ARL15: variants seen among roughly 807,000 people sequenced by gnomAD.
ARL15 encodes ARF like GTPase 15, also known as ADP-ribosylation factor-like protein 15.
ARL15 carries 19 observed loss-of-function variants against 25.2 expected under a neutral mutation model. The observed-to-expected ratio is 0.75, with a 90% CI of 0.53 to 1.10. ARL15 has a LOEUF of 1.10. ARL15 is among the 50% of genes least tolerant of loss of function. The pLI is 0.00. For missense variants in ARL15, 220 were observed against 246.0 expected (o/e 0.89, Z 0.71); for synonymous variants, 94 against 86.8 (o/e 1.08, Z -0.46).
intron 4 of ARL15, among the ~76,000 whole-genome samples, chr5:53,887,590 CA>C (rs1744575743): frequency 6.6e-6 from 1 of 152,156 alleles, no homozygotes; most frequent in Non-Finnish European, 1.5e-5. Flanking sequence ...TCATAAAACA[CA>C]AAGTTCAGGA....
intron 3 of ARL15, among the ~76,000 whole-genome samples, chr5:54,150,851 CAA>C (rs34261981): frequency 4.7e-5 from 6 of 127,500 alleles, no homozygotes; most frequent in Admixed American, 2.3e-4. Flanking sequence ...CACTGTTAAC[CAA>C]AAAAAAAAAA....
intron 4 of ARL15, among the ~76,000 whole-genome samples, chr5:53,991,336 G>C (rs1811468): frequency 0.13 from 20,006 of 151,956 alleles, 1,630 homozygotes; most frequent in East Asian, 0.27. Flanking sequence ...GAGGTAAGGA[G>C]TTCGAGACCA....
intron 3 of ARL15, among the ~76,000 whole-genome samples, chr5:54,121,809 T>A (rs1173784437): frequency 6.6e-6 from 1 of 152,152 alleles, no homozygotes; most frequent in African/African-American, 2.4e-5. Flanking sequence ...TCCCTCTCAA[T>A]AAAAGAGAGG....
intron 1 of ARL15, among the ~76,000 whole-genome samples, chr5:54,288,614 G>C (rs868162181): frequency 2.0e-5 from 3 of 152,148 alleles, no homozygotes; most frequent in African/African-American, 7.2e-5. Context: ...ATGAGCAAGT[G>C]CAAATGAAGT....
chr5:54,219,533 G>T lies in ARL15; in HGVS notation c.49-47605C>A, dbSNP rs535739098. Among the ~76,000 whole-genome samples, 15 of 152,154 alleles carry T rather than the reference G, an allele frequency of 9.9e-5. No individual in the cohort carries two copies. The South Asian group carries it at 1.5e-3, about 15-fold the overall frequency. On this transcript the variant is annotated intron_variant, in intron 1 of 4. Coordinates refer to ENST00000504924, the MANE Select transcript of ARL15 (RefSeq NM_019087.3). ...CAATCACTGCAAAGAAAGAGACAGG[G>T]AACTAATTAAATAAATTACATACTA...
chr5:53,991,849 G>A (rs552414629), intron 4 of ARL15, among the ~76,000 whole-genome samples: 113 of 152,100 alleles, frequency 7.4e-4, no homozygotes, highest in African/African-American at 2.6e-3. Context: ...AAGTACCTAC[G>A]TTCAAACAAC....
chr5:54,057,162 C>T (rs1750902956), intron 4 of ARL15, among the ~76,000 whole-genome samples: 2 of 152,088 alleles, frequency 1.3e-5, no homozygotes, highest in African/African-American at 2.4e-5. Flanking sequence ...TTATAAATAT[C>T]AGTGGGTACA....
intron 4 of ARL15, among the ~76,000 whole-genome samples, chr5:54,003,710 A>C (rs1012231573): frequency 2.6e-5 from 3 of 117,048 alleles, no homozygotes; most frequent in African/African-American, 6.5e-5. Flanking sequence ...CTATCTATCT[A>C]TCTATCTCTA....
At chr5:54,074,692 T>C (rs985834047) in intron 4 of ARL15, among the ~76,000 whole-genome samples, 1 of 152,148 alleles carries the variant, frequency 6.6e-6, no homozygotes, top group East Asian at 1.9e-4. Context: ...GTCAGAGAGA[T>C]TTTACTTTAA....
In ARL15 at chr5:54,029,773, C is replaced by G. The variant is rs554039387; in HGVS notation, c.462+83429G>C. On this transcript the variant is annotated intron_variant, in intron 4 of 4. Transcript: ENST00000504924. The stretch of plus-strand genomic sequence containing the variant: ...CTTCGGGAGGCTGAGGCGGGCAGAT[C>G]ACGAGGTCAGGAGATCGAGACCATC... Among the ~76,000 whole-genome samples the G allele has an allele frequency of 5.3e-3, 799 of 152,164 alleles. 3 individuals are homozygous for G. The highest frequency in any genetic ancestry group is 0.011 in the Admixed American group (174 of 15,290).
intron 2 of ARL15, among the ~76,000 whole-genome samples, chr5:54,162,804 G>A (rs58028556): frequency 0.016 from 2,413 of 152,238 alleles, 56 homozygotes; most frequent in African/African-American, 0.053. Flanking sequence ...GCAAAGAGTT[G>A]TCGATTCAAT....
chr5:54,215,401 T>C (rs993724807), intron 1 of ARL15, among the ~76,000 whole-genome samples: 5 of 152,116 alleles, frequency 3.3e-5, no homozygotes, highest in Non-Finnish European at 5.9e-5. Flanking sequence ...AGACAGTCTA[T>C]TGAGAAATCC....
At chr5:54,173,939 T>A (rs906796295) in intron 1 of ARL15, among the ~76,000 whole-genome samples, 1 of 152,090 alleles carries the variant, frequency 6.6e-6, no homozygotes, top group Non-Finnish European at 1.5e-5. Flanking sequence ...ATTCTGGACT[T>A]AGCCAACACC....
intron 3 of ARL15, among the ~76,000 whole-genome samples, chr5:54,118,685 G>A (rs1450002144): frequency 6.6e-6 from 1 of 152,060 alleles, no homozygotes; most frequent in Non-Finnish European, 1.5e-5. Context: ...GAGTTGGGAG[G>A]GCAATCTCAA....
intron 4 of ARL15, among the ~76,000 whole-genome samples, chr5:53,946,052 G>A (rs938433692): frequency 6.6e-6 from 1 of 152,166 alleles, no homozygotes; most frequent in African/African-American, 2.4e-5. Flanking sequence ...TCAAATTTCA[G>A]TTTCCTCATG....
intron 1 of ARL15, among the ~76,000 whole-genome samples, chr5:54,188,614 A>T (rs1039978140): frequency 6.6e-6 from 1 of 152,206 alleles, no homozygotes; most frequent in South Asian, 2.1e-4. Context: ...TGAGAGGATC[A>T]GGGCTCACTT....
intron 1 of ARL15, among the ~76,000 whole-genome samples, chr5:54,271,889 T>C (rs1343884038): frequency 6.6e-6 from 1 of 151,906 alleles, no homozygotes; most frequent in Non-Finnish European, 1.5e-5. Context: ...AATATTAATC[T>C]ATTGGCTGTG....
At chr5:54,254,710 T>C (rs1370253101) in intron 1 of ARL15, among the ~76,000 whole-genome samples, 1 of 152,242 alleles carries the variant, frequency 6.6e-6, no homozygotes, top group Admixed American at 6.5e-5. Context: ...CTGTTGTGTG[T>C]CCTTACACGA....
chr5:53,917,992 T>C (rs1216160017), intron 4 of ARL15, among the ~76,000 whole-genome samples: 3 of 152,156 alleles, frequency 2.0e-5, no homozygotes, highest in Admixed American at 1.3e-4. Flanking sequence ...AGGCTCTGAA[T>C]TTCCCATTCT....
Sources: allele counts gnomAD v4.1 joint callset (sites outside exome capture counted in the v4.1 genomes callset), GRCh38; gene constraint gnomAD v4.1.1; transcripts MANE v1.5; gene names NCBI Gene and HGNC (gene_info 2026-07-23, HGNC 2026-07-21).